Variants in DPP9 observed in about 807,000 individuals in gnomAD.
The protein encoded by DPP9 is dipeptidyl peptidase IV-related protein-2.
In DPP9, 50 loss-of-function variants were observed where a neutral mutation model predicts 110.7. The ratio of observed to expected loss-of-function variants is 0.45; its 90% CI spans 0.36 to 0.57. The LOEUF (loss-of-function observed/expected upper bound fraction) is 0.57, where lower values mean the gene tolerates loss of function less well. Among genes scored for constraint, DPP9 ranks in the 20% least tolerant of loss-of-function variants. The probability of loss-of-function intolerance (pLI) is 0.00; values close to 1 mark genes in which losing one functional copy is unlikely to be tolerated. For synonymous variants in DPP9, 561 were observed against 514.4 expected, an observed-to-expected ratio of 1.09 and a Z score of -1.23; for missense variants, 1,022 against 1,217.9, an observed-to-expected ratio of 0.84 and a Z score of 2.39.
At chr19:4,690,758 T>C in intron 14 of DPP9, 120 bp downstream of exon 14, 2 of 805,392 alleles carry the variant, frequency 2.5e-6, no homozygotes, top group Non-Finnish European at 4.1e-6. Context: ...TGTGTGTATG[T>C]GTGAGAATGA....
chr19:4,676,427 G>A lies in DPP9; in HGVS notation c.*137C>T. 1.4e-6 allele frequency: 1 copy of A among 707,554 alleles called. No individual in the cohort carries two copies. The highest frequency in any genetic ancestry group is 2.7e-5 in the East Asian group (1 of 36,706). The allele number at this position is 707,554 out of a possible 1,614,324, so 43.8% of individuals were successfully genotyped here. ...AGGCGTCGGGGCGGTGAAGGCAGCGGCTCCTCGGGGCTGGCCAGCGCTGGG... is the reference window on the plus strand; with the variant it reads ...AGGCGTCGGGGCGGTGAAGGCAGCGACTCCTCGGGGCTGGCCAGCGCTGGG... On this transcript the variant is annotated 3_prime_UTR_variant, in exon 22 of 22. Transcript: ENST00000262960. This position sits in a 1 kb window ranked among gnomAD's most constrained non-coding sequence, Gnocchi z 4.0.
intron 4 of DPP9, among the ~76,000 whole-genome samples, chr19:4,713,534 C>A (rs906890659): frequency 6.6e-6 from 1 of 152,206 alleles, no homozygotes; most frequent in African/African-American, 2.4e-5. Flanking sequence ...GGGCTGCAAG[C>A]GCGTGGCAAG....
intron 20 of DPP9, among the ~76,000 whole-genome samples, chr19:4,681,842 CT>C (rs778786711): frequency 0.042 from 4,835 of 115,744 alleles, 135 homozygotes; most frequent in African/African-American, 0.12. Context: ...CCCAGGCAGA[CT>C]TTTTTTTTTT....
rs1442156845 is a variant in DPP9 at position 4,719,935 on chromosome 19, G to A, written c.-29C>T. On this transcript the variant is annotated 5_prime_UTR_variant, in exon 3 of 22. Coordinates refer to ENST00000262960, the MANE Select transcript of DPP9 (RefSeq NM_139159.5). The stretch of plus-strand genomic sequence containing the variant: ...CCGCTCAGCTGACCTCAGGAGGGCA[G>A]GGGTGCCTGCGGGCAAGTGGGAGGA... The A allele has an allele frequency of 6.4e-7, 1 of 1,551,614 alleles. No individual in the cohort carries two copies. The highest frequency in any genetic ancestry group is 2.0e-5 in the Admixed American group (1 of 51,010).
Position 4,704,796 on chromosome 19 carries a change from C to G in DPP9, c.427-492G>C, listed in dbSNP as rs1281775381. 6.6e-6 allele frequency among the ~76,000 whole-genome samples: 1 copy of G among 152,134 alleles called. No individual in the cohort carries two copies. The highest frequency in any genetic ancestry group is 1.5e-5 in the Non-Finnish European group (1 of 68,026). On this transcript the variant is annotated intron_variant, in intron 5 of 21. Coordinates refer to ENST00000262960, the MANE Select transcript of DPP9 (RefSeq NM_139159.5). The surrounding 1 kb of genome is among the most constrained non-coding windows in gnomAD (Gnocchi z 6.0). ...TGGGCAGATCACGAGGTCAGAAATT[C>G]GAGACCAGCCTGGCCAATATGGTGA... is the stretch of plus-strand genomic sequence containing the variant.
chr19:4,689,817 G>C lies in DPP9; in HGVS notation c.1597-95C>G. 1 of 1,324,556 alleles carries C rather than the reference G, an allele frequency of 7.5e-7. No homozygotes were observed. The highest frequency in any genetic ancestry group is 1.0e-6 in the Non-Finnish European group (1 of 986,958). 82.1% of individuals were successfully genotyped at this position (1,324,556 alleles called of 1,614,324 possible). A position where few individuals can be genotyped will look rare whatever the true frequency, so the allele number is the denominator to read the frequency against. Reference sequence around the variant, plus strand: ...CACAGGAGTGGGCCCCATGTTCCTCGGACTGGGGACGCATGCTGTCCTCGC... The same window carrying C: ...CACAGGAGTGGGCCCCATGTTCCTCCGACTGGGGACGCATGCTGTCCTCGC... On this transcript the variant is annotated intron_variant, in intron 14 of 21. Coordinates refer to ENST00000262960, the MANE Select transcript of DPP9 (RefSeq NM_139159.5). This position sits in a 1 kb window ranked among gnomAD's most constrained non-coding sequence, Gnocchi z 7.0.
chr19:4,679,451 G>A (rs995271477), intron 21 of DPP9: 7 of 237,718 alleles, frequency 2.9e-5, no homozygotes, highest in Admixed American at 1.5e-4. Context: ...AGCGCCTTAG[G>A]AAGGAGCCTG....
intron 11 of DPP9, among the ~76,000 whole-genome samples, chr19:4,696,910 G>C (rs1183929612): frequency 6.6e-6 from 1 of 152,144 alleles, no homozygotes; most frequent in East Asian, 1.9e-4. Flanking sequence ...GCATAGGAAT[G>C]CAAAAGCAAG....
chr19:4,681,022 TG>T (rs1485144400), intron 20 of DPP9, among the ~76,000 whole-genome samples: 2 of 152,192 alleles, frequency 1.3e-5, no homozygotes, highest in Non-Finnish European at 2.9e-5. Flanking sequence ...CATGGGCTAC[TG>T]GTGAGGCCAA....
chr19:4,692,147 G>A (rs893370135), intron 13 of DPP9, among the ~76,000 whole-genome samples: 1 of 152,110 alleles, frequency 6.6e-6, no homozygotes, highest in Non-Finnish European at 1.5e-5. Flanking sequence ...AAAGCGCTAG[G>A]GCTAGAGACC....
intron 20 of DPP9, among the ~76,000 whole-genome samples, chr19:4,680,920 G>A (rs1159013288): frequency 6.6e-6 from 1 of 152,156 alleles, no homozygotes; most frequent in Non-Finnish European, 1.5e-5. Context: ...TTAAGCCACT[G>A]CACTCCAGCC....
rs1276349342 is a variant in DPP9, at chr19:4,685,640, A to G, written c.2017T>C (p.Tyr673His). The G allele has an allele frequency of 1.2e-6, 2 of 1,608,252 alleles. No individual in the cohort carries two copies. The highest frequency in any genetic ancestry group is 1.7e-6 in the Non-Finnish European group (2 of 1,177,738). The change falls in exon 17 of 22, where the codon TAT becomes CAT. Residue 673 changes from tyrosine to histidine, a missense_variant. By Grantham distance (83) the Tyr-to-His change is moderately conservative. Coordinates refer to ENST00000262960, the MANE Select transcript of DPP9 (RefSeq NM_139159.5). The surrounding 1 kb of genome is among the most constrained non-coding windows in gnomAD (Gnocchi z 5.8). Reference protein sequence around the residue: ...GKKHPTVLFVYGGPQVQLVNN... With the variant: ...GKKHPTVLFVHGGPQVQLVNN... ...TGTGCACTCACCTGGGGGCCTCCAT[A>G]TACAAAGAGGACGGTGGGGTGCTTC... is the stretch of plus-strand genomic sequence containing the variant.
intron 20 of DPP9, among the ~76,000 whole-genome samples, chr19:4,681,842 CTTTTTTTTTTTT>C (rs778786711): frequency 3.5e-5 from 4 of 115,716 alleles, no homozygotes; most frequent in Admixed American, 8.8e-5. Flanking sequence ...CCCAGGCAGA[CTTTTTTTTTTTT>C]TTTTTTTTTT....
Position 4,694,748 on chromosome 19 carries a change from T to G in DPP9, c.1429A>C (p.Lys477Gln), listed in dbSNP as rs547422704. Reference protein sequence around the residue: ...ELCFLRANECKTGFCHLYKVT... With the variant: ...ELCFLRANECQTGFCHLYKVT... Reference sequence around the variant, plus strand: ...TTGTACAAATGGCAGAAGCCGGTCTTGCATTCATTGGCGCGGAGAAAGCAG... The same window carrying G: ...TTGTACAAATGGCAGAAGCCGGTCTGGCATTCATTGGCGCGGAGAAAGCAG... The change falls in exon 13 of 22, where the codon AAG becomes CAG. Residue 477 changes from lysine to glutamine, a missense_variant. Physicochemically the swap from Lys to Gln is moderately conservative, Grantham distance 53. Around this residue, in one of 3 missense-constraint regions of DPP9, gnomAD observed 810 missense variants for 920.6 expected, o/e 0.88. Transcript: ENST00000262960. The surrounding 1 kb of genome is among the most constrained non-coding windows in gnomAD (Gnocchi z 4.0). 1.9e-5 allele frequency: 31 copies of G among 1,613,928 alleles called. No individual in the cohort carries two copies. The South Asian group carries it at 3.1e-4, about 16-fold the overall frequency.
chr19:4,721,206 C>A (rs1461823435), intron 2 of DPP9, among the ~76,000 whole-genome samples: 1 of 152,240 alleles, frequency 6.6e-6, no homozygotes. Context: ...TGACCCAACC[C>A]TAAATATCAG....
At chr19:4,683,762 TC>T in intron 18 of DPP9, 133 bp from the exon 19 acceptor site, 2 of 1,584,982 alleles carry the variant, frequency 1.3e-6, no homozygotes, top group Non-Finnish European at 1.7e-6. Flanking sequence ...CCCCTGTCCT[TC>T]CAGGCCCTGC....
At position 4,688,866 on chromosome 19, in the gene DPP9, G is replaced by A; in HGVS notation, c.1776C>T (p.Tyr592=). The change falls in exon 16 of 22, where the codon TAC becomes TAT. Residue 592 remains tyrosine, a synonymous_variant. Transcript: ENST00000262960. The part of the protein sequence containing the change: ...SQNFDMFVSH[Y]SSVSTPPCVH... ...CGCAGGGCGGCGTGCTCACGCTGCT[G>A]TAGTGGCTGACGAACATGTCGAAGT... 6 of 1,523,622 alleles carry A rather than the reference G, an allele frequency of 3.9e-6. No individual in the cohort carries two copies. Among genetic ancestry groups the A allele is most frequent in the Non-Finnish European group, 5.2e-6 (6 of 1,149,208 alleles). The allele number at this position is 1,523,622 out of a possible 1,614,324, so 94.4% of individuals were successfully genotyped here. A position where few individuals can be genotyped will look rare whatever the true frequency, so the allele number is the denominator to read the frequency against.
At chr19:4,681,153 C>T (rs544937154) in intron 20 of DPP9, among the ~76,000 whole-genome samples, 3 of 152,236 alleles carry the variant, frequency 2.0e-5, no homozygotes, top group African/African-American at 4.8e-5. Flanking sequence ...ACTTATAAAC[C>T]CATTGAGACA....
At position 4,689,624 on chromosome 19, in the gene DPP9, G is replaced by A. The variant is rs552007202; in HGVS notation, c.1695C>T (p.Gly565=). The A allele has an allele frequency of 1.8e-5, 29 of 1,572,216 alleles. No individual in the cohort carries two copies. The highest frequency in any genetic ancestry group is 1.6e-4 in the African/African-American group (12 of 73,972). The change falls in exon 15 of 22, where the codon GGC becomes GGT. Residue 565 remains glycine (G), a synonymous_variant. Coordinates refer to ENST00000262960, the MANE Select transcript of DPP9 (RefSeq NM_139159.5). The surrounding 1 kb of genome is among the most constrained non-coding windows in gnomAD (Gnocchi z 7.0). ...CGGGCGTGGTGAGGCGTACGATCTC[G>A]CCGGCCGCCTCATAGCTGACCACGT... ...HLYVVSYEAA[G]EIVRLTTPGF... is the part of the protein sequence containing the mutation.
Sources: gnomAD v4.1 joint callset for allele counts (sites outside exome capture counted in the v4.1 genomes callset) on GRCh38, gnomAD v4.1.1 for gene constraint, gnomAD v4.1.1 regional missense constraint, Gnocchi (gnomAD v3.1) non-coding constraint, MANE v1.5 for transcripts, NCBI Gene and HGNC (gene_info 2026-07-23, HGNC 2026-07-21) for gene names.